LRRC4C: variants seen among roughly 807,000 people sequenced by gnomAD.
The protein encoded by LRRC4C is leucine-rich repeat-containing protein 4C.
A neutral mutation model predicts 33.6 loss-of-function variants in LRRC4C; 5 were observed. The observed-to-expected ratio is 0.15, with a 90% confidence interval of 0.08 to 0.31. The LOEUF (loss-of-function observed/expected upper bound fraction) is 0.31, where lower values mean the gene tolerates loss of function less well. Ranked by LOEUF, LRRC4C falls within the 10% of genes least tolerant of loss-of-function variation. LRRC4C has a pLI of 1.00. For missense variants in LRRC4C, 560 were observed against 796.7 expected (o/e 0.70, Z 3.58); for synonymous variants, 329 against 302.0 (o/e 1.09, Z -0.93).
chr11:40,552,491 C>G (rs2135453078), intron 3 of LRRC4C, among the ~76,000 whole-genome samples: 1 of 152,162 alleles, frequency 6.6e-6, no homozygotes, highest in African/African-American at 2.4e-5. Context: ...TTTAAGGAAC[C>G]CCCCACAATG....
chr11:41,384,271 C>T (rs11036377), intron 1 of LRRC4C, among the ~76,000 whole-genome samples: 1 of 152,008 alleles, frequency 6.6e-6, no homozygotes, highest in African/African-American at 2.4e-5. Flanking sequence ...ATAATGCACA[C>T]TCAAGCACAA....
chr11:40,233,482 G>A (rs1310218914), intron 5 of LRRC4C, among the ~76,000 whole-genome samples: 1 of 152,100 alleles, frequency 6.6e-6, no homozygotes, highest in Non-Finnish European at 1.5e-5. Flanking sequence ...ATCAAATACA[G>A]TTATTTAGAA....
intron 2 of LRRC4C, among the ~76,000 whole-genome samples, chr11:40,714,408 GT>G (rs1291101894): frequency 6.6e-6 from 1 of 151,914 alleles, no homozygotes; most frequent in Non-Finnish European, 1.5e-5. Flanking sequence ...ATCTCACAGC[GT>G]GCCTTGGACC....
At chr11:41,003,144 C>A (rs1415739582) in intron 1 of LRRC4C, among the ~76,000 whole-genome samples, 1 of 151,976 alleles carries the variant, frequency 6.6e-6, no homozygotes, top group Non-Finnish European at 1.5e-5. Context: ...GAACTGTAAA[C>A]TAAATAAAAG....
At chr11:40,856,005 C>A (rs770499039) in intron 2 of LRRC4C, among the ~76,000 whole-genome samples, 1 of 151,774 alleles carries the variant, frequency 6.6e-6, no homozygotes, top group African/African-American at 2.4e-5. Flanking sequence ...GGAACAAAGA[C>A]AGTTTTATCT....
intron 2 of LRRC4C, among the ~76,000 whole-genome samples, chr11:40,830,093 A>T (rs938377570): frequency 6.6e-6 from 1 of 152,026 alleles, no homozygotes; most frequent in Admixed American, 6.6e-5. Context: ...GGCCTTAAGG[A>T]ATAAAAACAA....
At chr11:40,874,297 C>A (rs985583452) in intron 2 of LRRC4C, among the ~76,000 whole-genome samples, 3 of 152,140 alleles carry the variant, frequency 2.0e-5, no homozygotes, top group Non-Finnish European at 4.4e-5. Context: ...TTTATTTAAA[C>A]CAATGTTCTG....
At chr11:40,680,665 C>CT (rs1335115907) in intron 2 of LRRC4C, among the ~76,000 whole-genome samples, 1 of 152,174 alleles carries the variant, frequency 6.6e-6, no homozygotes, top group Non-Finnish European at 1.5e-5. Context: ...CTCCTCCTTG[C>CT]TTTCCGCCAT....
intron 3 of LRRC4C, among the ~76,000 whole-genome samples, chr11:40,612,473 A>C (rs1311045789): frequency 1.3e-5 from 2 of 152,036 alleles, no homozygotes; most frequent in Non-Finnish European, 2.9e-5. Context: ...CTGTATAACA[A>C]TGTGCATATA....
intron 2 of LRRC4C, among the ~76,000 whole-genome samples, chr11:40,916,782 G>A (rs1264533612): frequency 6.6e-6 from 1 of 151,940 alleles, no homozygotes; most frequent in African/African-American, 2.4e-5. Context: ...TGACTATTGA[G>A]ACACTTAATT....
chr11:40,452,244 A>G (rs1334059429), intron 3 of LRRC4C, among the ~76,000 whole-genome samples: 2 of 152,158 alleles, frequency 1.3e-5, no homozygotes, highest in East Asian at 1.9e-4. Context: ...TGAACAGGCA[A>G]CCTACAGAAT....
At chr11:40,971,782 C>A (rs1045949402) in intron 1 of LRRC4C, among the ~76,000 whole-genome samples, 2 of 152,162 alleles carry the variant, frequency 1.3e-5, no homozygotes, top group African/African-American at 4.8e-5. Flanking sequence ...GCTACAGAGG[C>A]AGGGCTACCC....
intron 1 of LRRC4C, among the ~76,000 whole-genome samples, chr11:41,395,856 A>G (rs1953788069): frequency 6.6e-6 from 1 of 152,030 alleles, no homozygotes; most frequent in South Asian, 2.1e-4. Context: ...CTAACCAAAA[A>G]GTACTGCACT....
chr11:41,238,900 T>G lies in LRRC4C; in HGVS notation c.-496+220531A>C, dbSNP rs532227863. Among the ~76,000 whole-genome samples the G allele has an allele frequency of 1.1e-4, 16 of 152,256 alleles. No individual in the cohort carries two copies. The East Asian group carries it at 2.9e-3, about 28-fold the overall frequency. On this transcript the variant is annotated intron_variant, in intron 1 of 6. Coordinates refer to ENST00000528697, the MANE Select transcript of LRRC4C (RefSeq NM_001258419.2). ...TAGATCACAGGATCTCAGAGATTGC[T>G]TACTGGAATTGAATCTAAGATGCAG...
chr11:41,341,436 G>C (rs1440886127), intron 1 of LRRC4C, among the ~76,000 whole-genome samples: 1 of 152,100 alleles, frequency 6.6e-6, no homozygotes, highest in Non-Finnish European at 1.5e-5. Flanking sequence ...ACCAATTGTA[G>C]TAATTTAATG....
At chr11:40,505,594 A>G (rs530813806) in intron 3 of LRRC4C, among the ~76,000 whole-genome samples, 1 of 152,198 alleles carries the variant, frequency 6.6e-6, no homozygotes, top group South Asian at 2.1e-4. Flanking sequence ...CTTGGCTTCA[A>G]GATTTTCTGG....
intron 1 of LRRC4C, among the ~76,000 whole-genome samples, chr11:41,089,194 T>C (rs781709383): frequency 3.3e-5 from 5 of 152,080 alleles, no homozygotes; most frequent in African/African-American, 1.2e-4. Context: ...TCACTTTCTA[T>C]ACTTAAGAAC....
chr11:40,805,103 C>G (rs1175965389), intron 2 of LRRC4C, among the ~76,000 whole-genome samples: 2 of 152,154 alleles, frequency 1.3e-5, no homozygotes, highest in Non-Finnish European at 2.9e-5. Context: ...ACAATGAAGC[C>G]TGAGCCTAAG....
At chr11:40,287,272 G>GTA (rs1411061583) in intron 4 of LRRC4C, among the ~76,000 whole-genome samples, 3 of 151,602 alleles carry the variant, frequency 2.0e-5, no homozygotes, top group African/African-American at 7.3e-5. Flanking sequence ...GTGTGTGTGT[G>GTA]TGTGTGTGTG....
Sources: allele counts gnomAD v4.1 joint callset (sites outside exome capture counted in the v4.1 genomes callset), GRCh38; gene constraint gnomAD v4.1.1; transcripts MANE v1.5; gene names NCBI Gene and HGNC (gene_info 2026-07-23, HGNC 2026-07-21).